The following PPP6R2 variants were observed in gnomAD, a reference collection of about 807,000 sequenced individuals.
PPP6R2 encodes the protein serine/threonine-protein phosphatase 6 regulatory subunit 2.
Under a neutral mutation model 100.2 loss-of-function variants are expected in PPP6R2, and 62 were observed. That is an observed-to-expected ratio of 0.62 (90% CI 0.50 to 0.76). PPP6R2 has a LOEUF of 0.76. Ranked by LOEUF, PPP6R2 falls within the 30% of genes least tolerant of loss-of-function variation. The pLI is 0.00. For synonymous variants in PPP6R2, 525 were observed against 514.7 expected, an observed-to-expected ratio of 1.02 and a Z score of -0.27; for missense variants, 1,142 against 1,276.3, an observed-to-expected ratio of 0.89 and a Z score of 1.60.
intron 2 of PPP6R2, among the ~76,000 whole-genome samples, chr22:50,387,984 G>A (rs1409493074): frequency 6.6e-6 from 1 of 152,100 alleles, no homozygotes; most frequent in African/African-American, 2.4e-5. Context: ...CGCAGAGCTA[G>A]GACTTTGATC....
At chr22:50,433,137 C>T (rs1177669408) in intron 12 of PPP6R2, among the ~76,000 whole-genome samples, 2 of 152,278 alleles carry the variant, frequency 1.3e-5, no homozygotes, top group Admixed American at 6.5e-5. Flanking sequence ...GCAGGTGCTA[C>T]TCAAACAGAA....
At chr22:50,403,123 C>T (rs1384710249) in intron 3 of PPP6R2, among the ~76,000 whole-genome samples, 3 of 151,932 alleles carry the variant, frequency 2.0e-5, no homozygotes, top group Non-Finnish European at 4.4e-5. Context: ...TGAGACAGGA[C>T]GTGAACCCGG....
the PPP6R2 span, among the ~76,000 whole-genome samples, chr22:50,336,280 G>A: frequency 1.4e-3 from 217 of 152,256 alleles, 1 homozygote; most frequent in South Asian, 5.6e-3. Flanking sequence ...GAGTCACCGC[G>A]TCCAGCCTGA....
the PPP6R2 span, among the ~76,000 whole-genome samples, chr22:50,336,024 G>A: frequency 4.7e-5 from 7 of 149,950 alleles, no homozygotes; most frequent in African/African-American, 1.7e-4. Context: ...TTGCTCTATC[G>A]TCCAGGCTGG....
intron 8 of PPP6R2, among the ~76,000 whole-genome samples, chr22:50,419,926 G>A (rs1160435303): frequency 6.6e-6 from 1 of 152,230 alleles, no homozygotes; most frequent in East Asian, 1.9e-4. Flanking sequence ...GCACCCACGG[G>A]TCGGCACCGC....
At chr22:50,413,378 C>T (rs907489824) in intron 4 of PPP6R2, among the ~76,000 whole-genome samples, 6 of 152,070 alleles carry the variant, frequency 3.9e-5, no homozygotes, top group African/African-American at 1.4e-4. Flanking sequence ...CTTATTATTA[C>T]AGCATTTTGG....
intron 3 of PPP6R2, among the ~76,000 whole-genome samples, chr22:50,394,600 T>TAAAA (rs67708136): frequency 1.6e-4 from 13 of 80,564 alleles, no homozygotes; most frequent in African/African-American, 6.4e-4. Flanking sequence ...ACCCTGTCTT[T>TAAAA]AAAAAAAAAA....
At chr22:50,413,024 G>A (rs1163551189) in intron 4 of PPP6R2, among the ~76,000 whole-genome samples, 4 of 146,346 alleles carry the variant, frequency 2.7e-5, no homozygotes, top group East Asian at 2.0e-4. Context: ...GCAATGGTGC[G>A]ATCTTGGCTT....
intron 19 of PPP6R2, among the ~76,000 whole-genome samples, 178 bp from the exon 20 acceptor site, chr22:50,439,523 C>A (rs544341183): frequency 6.6e-6 from 1 of 152,134 alleles, no homozygotes; most frequent in Non-Finnish European, 1.5e-5. Context: ...TCAGGACCCT[C>A]GAGCTGTCCC....
chr22:50,360,801 C>T (rs2148330344), intron 1 of PPP6R2, among the ~76,000 whole-genome samples: 1 of 152,306 alleles, frequency 6.6e-6, no homozygotes, highest in South Asian at 2.1e-4. Context: ...CCCACTGTTG[C>T]TGCTCACACC....
intron 1 of PPP6R2, among the ~76,000 whole-genome samples, chr22:50,354,835 A>G (rs1220698979): frequency 2.0e-5 from 3 of 150,638 alleles, no homozygotes; most frequent in Non-Finnish European, 4.4e-5. Context: ...GTTGTGATCA[A>G]TTAGTTGTAA....
chr22:50,431,277 C>G lies in PPP6R2; in HGVS notation c.1230C>G (p.Ala410=), dbSNP rs768982253. The G allele has an allele frequency of 6.2e-7, 1 of 1,613,660 alleles. No homozygotes were observed. Among genetic ancestry groups the G allele is most frequent in the Non-Finnish European group, 8.5e-7 (1 of 1,180,034 alleles). Residue 410 remains alanine (A), a synonymous_variant, in exon 11 of 24, where the codon GCC becomes GCG. Coordinates refer to ENST00000612753, the MANE Select transcript of PPP6R2 (RefSeq NM_001242898.2). This position sits in a 1 kb window ranked among gnomAD's most constrained non-coding sequence, Gnocchi z 4.8. ...SHAAREERTE[A]SGSESRVEPP... ...CTGCCCGTGAGGAGAGGACAGAAGC[C>G]AGCGGATCCGAGAGCAGGGTGGAGC...
chr22:50,440,720 T>C, intron 21 of PPP6R2, 102 bp from the exon 22 acceptor site: 1 of 1,328,424 alleles, frequency 7.5e-7, no homozygotes, highest in South Asian at 1.3e-5. Context: ...GGCAACAGGC[T>C]GCATGTGAGA....
intron 13 of PPP6R2, among the ~76,000 whole-genome samples, chr22:50,435,496 C>A (rs576758288): frequency 6.6e-6 from 1 of 152,176 alleles, no homozygotes; most frequent in African/African-American, 2.4e-5. Flanking sequence ...TGTGAGATTT[C>A]GTAGCACAAG....
rs1330733725 is a variant in PPP6R2 at position 50,431,395 on chromosome 22, A to T, written c.1335+13A>T. 1.2e-6 allele frequency: 2 copies of T among 1,609,420 alleles called. No individual in the cohort carries two copies. The highest frequency in any genetic ancestry group is 1.7e-6 in the Non-Finnish European group (2 of 1,178,752). ...AATGGTGACCCACGTGAGTCCAAGA[A>T]GCATCCATCTTATCAGCGCCAACTG... On this transcript the variant is annotated intron_variant, in intron 11 of 23. Transcript: ENST00000612753. This position sits in a 1 kb window ranked among gnomAD's most constrained non-coding sequence, Gnocchi z 4.8.
In PPP6R2 at chr22:50,411,454, C is replaced by CA. The variant is rs878951199; in HGVS notation, c.415-3089dup. Among the ~76,000 whole-genome samples, 56 of 142,152 alleles carry CA rather than the reference C, an allele frequency of 3.9e-4. No homozygotes were observed. In the East Asian group the frequency reaches 8.0e-3, roughly 20 times the overall value. 93.3% of individuals were successfully genotyped at this position (142,152 alleles called of 152,430 possible). Reference sequence around the variant, plus strand: ...AGGTAACAGAGCGAGACTCTGTCTCCAAAAAAAAAGAAAAAAGGCCAGGCG... The same window carrying CA: ...AGGTAACAGAGCGAGACTCTGTCTCCAAAAAAAAAAGAAAAAAGGCCAGGCG... On this transcript the variant is annotated intron_variant, in intron 4 of 23. Transcript: ENST00000612753.
chr22:50,333,917 G>A, the PPP6R2 span, among the ~76,000 whole-genome samples: 275 of 152,304 alleles, frequency 1.8e-3, no homozygotes, highest in African/African-American at 6.0e-3. Flanking sequence ...AAGGTCACGC[G>A]AGTCACGTGT....
upstream of PPP6R2, among the ~76,000 whole-genome samples, chr22:50,339,701 AGT>A (rs1299721449): frequency 6.2e-5 from 5 of 80,566 alleles, no homozygotes; most frequent in African/African-American, 2.0e-4. Context: ...ATTGGTGTGT[AGT>A]GTGTGGTGTG....
In PPP6R2 at chr22:50,440,981, C is replaced by T; in HGVS notation, c.2534C>T (p.Ala845Val). ...GTGAGCAGGGGTCCCGGCCGGGAGG[C>T]CCCCCCGCTGCCCACAGTGGCCAGG... ...DAVSRGPGRE[A>V]PPLPTVARTE... is the part of the protein sequence containing the mutation. The change falls in exon 22 of 24, where the codon GCC becomes GTC. Residue 845 changes from alanine to valine, a missense_variant. Physicochemically the swap from Ala to Val is moderately conservative, Grantham distance 64. This residue lies in a region of PPP6R2 where 550 missense variants were observed against 517.4 expected (regional missense o/e 1.06). Transcript: ENST00000612753. 1 of 1,609,070 alleles carries T rather than the reference C, an allele frequency of 6.2e-7. No individual in the cohort carries two copies. The highest frequency in any genetic ancestry group is 8.5e-7 in the Non-Finnish European group (1 of 1,177,586).
Sources: gnomAD v4.1 joint callset for allele counts (sites outside exome capture counted in the v4.1 genomes callset) on GRCh38, gnomAD v4.1.1 for gene constraint, gnomAD v4.1.1 regional missense constraint, Gnocchi (gnomAD v3.1) non-coding constraint, MANE v1.5 for transcripts, NCBI Gene and HGNC (gene_info 2026-07-23, HGNC 2026-07-21) for gene names.